Variants in PDS5A observed in about 807,000 individuals in gnomAD.
PDS5A encodes the protein sister chromatid cohesion protein PDS5 homolog A.
Under a neutral mutation model 167.1 loss-of-function variants are expected in PDS5A, and 42 were observed. The ratio of observed to expected loss-of-function variants is 0.25; its 90% CI spans 0.20 to 0.33. PDS5A has a LOEUF of 0.33. Among genes scored for constraint, PDS5A ranks in the 10% least tolerant of loss-of-function variants. PDS5A has a pLI of 1.00. For synonymous variants in PDS5A, 553 were observed against 554.6 expected (o/e 1.00, Z 0.04); for missense variants, 1,033 against 1,605.9 (o/e 0.64, Z 6.10).
chr4:39,833,688 C>G (rs1305961589), intron 32 of PDS5A, among the ~76,000 whole-genome samples: 1 of 152,128 alleles, frequency 6.6e-6, no homozygotes, highest in African/African-American at 2.4e-5. Flanking sequence ...TGATGACCAG[C>G]TGGATAAATT....
intron 32 of PDS5A, among the ~76,000 whole-genome samples, chr4:39,832,339 G>A (rs952499959): frequency 5.3e-5 from 8 of 151,132 alleles, no homozygotes; most frequent in South Asian, 2.1e-4. Context: ...TCAGCCTCCC[G>A]AGTAGCTGGG....
intron 11 of PDS5A, among the ~76,000 whole-genome samples, chr4:39,908,165 G>A (rs998151871): frequency 2.0e-5 from 3 of 152,130 alleles, no homozygotes; most frequent in Non-Finnish European, 4.4e-5. Context: ...ATGAAGGTAT[G>A]ATAGAAAAGA....
chr4:39,956,948 C>T (rs1728979739), intron 2 of PDS5A, among the ~76,000 whole-genome samples: 1 of 152,194 alleles, frequency 6.6e-6, no homozygotes. Flanking sequence ...GCTGGGATTA[C>T]AGGCGTGAGC....
At chr4:39,930,084 A>G (rs1246263778) in intron 2 of PDS5A, among the ~76,000 whole-genome samples, 1 of 151,262 alleles carries the variant, frequency 6.6e-6, no homozygotes, top group African/African-American at 2.4e-5. Context: ...GCACAGTAGC[A>G]CACAACTGTA....
chr4:39,922,528 C>A, intron 6 of PDS5A, 94 bp downstream of exon 6: 1 of 1,092,804 alleles, frequency 9.2e-7, no homozygotes, highest in Non-Finnish European at 1.2e-6. Context: ...AGAACAATTA[C>A]ATGGGATTGC....
At chr4:39,975,557 A>G (rs182993015) in intron 2 of PDS5A, among the ~76,000 whole-genome samples, 87 of 152,288 alleles carry the variant, frequency 5.7e-4, no homozygotes, top group African/African-American at 2.0e-3. Flanking sequence ...TACCAATGCC[A>G]TAGCCCTACC....
intron 26 of PDS5A, among the ~76,000 whole-genome samples, chr4:39,853,918 C>T (rs1718321157): frequency 6.6e-6 from 1 of 152,176 alleles, no homozygotes; most frequent in African/African-American, 2.4e-5. Context: ...TTTTTCCAAC[C>T]AGTAAGCAAA....
intron 2 of PDS5A, among the ~76,000 whole-genome samples, chr4:39,950,209 G>C (rs115964636): frequency 6.6e-6 from 1 of 152,080 alleles, no homozygotes. Context: ...CCAATTGTAC[G>C]TTTTAAATGG....
At chr4:39,919,342 C>T (rs997309569) in intron 7 of PDS5A, among the ~76,000 whole-genome samples, 17 of 152,046 alleles carry the variant, frequency 1.1e-4, no homozygotes, top group East Asian at 9.6e-4. Context: ...ACAAATATGA[C>T]GATAAAAATT....
At chr4:39,953,349 A>C (rs891705305) in intron 2 of PDS5A, among the ~76,000 whole-genome samples, 2 of 151,970 alleles carry the variant, frequency 1.3e-5, no homozygotes, top group Non-Finnish European at 2.9e-5. Flanking sequence ...AAATAAGGGC[A>C]GGGGGAACTA....
Position 39,949,821 on chromosome 4 carries a change from G to GAAAAAAAAAAAA in PDS5A, c.139-21669_139-21658dup, listed in dbSNP as rs59869303. Among the ~76,000 whole-genome samples the GAAAAAAAAAAAA allele has an allele frequency of 3.4e-4, 23 of 67,178 alleles. 4 individuals are homozygous for GAAAAAAAAAAAA. Among genetic ancestry groups the GAAAAAAAAAAAA allele is most frequent in the East Asian group, 1.0e-3 (2 of 1,938 alleles). The allele number at this position is 67,178 out of a possible 152,430, so 44.1% of individuals were successfully genotyped here. A position where few individuals can be genotyped will look rare whatever the true frequency, so the allele number is the denominator to read the frequency against. On this transcript the variant is annotated intron_variant, in intron 2 of 32. Transcript: ENST00000303538. ...GGCGACAGAATAAGACTCTGTCTCA[G>GAAAAAAAAAAAA]AAAAAAAAAAAAAAGAAAAACACCA...
chr4:39,828,699 C>T (rs918853088), intron 32 of PDS5A, among the ~76,000 whole-genome samples: 1 of 152,144 alleles, frequency 6.6e-6, no homozygotes, highest in Non-Finnish European at 1.5e-5. Context: ...ACTGCACAAG[C>T]TTTCTGGAGG....
At position 39,863,402 on chromosome 4, in the gene PDS5A, A is replaced by G. The variant is rs1719162572; in HGVS notation, c.2700T>C (p.Ala900=). The G allele has an allele frequency of 1.2e-6, 2 of 1,610,116 alleles. No homozygotes were observed. The highest frequency in any genetic ancestry group is 2.2e-5 in the East Asian group (1 of 44,812). The change falls in exon 24 of 33, where the codon GCT becomes GCC. Residue 900 remains alanine (A), a synonymous_variant. Transcript: ENST00000303538. ...LAAGSAIMKL[A]QEPCYHEIIT... ...TAATTTCATGGTAACAAGGTTCCTG[A>G]GCAAGCTTCATTATGGCACTACCAG...
intron 7 of PDS5A, among the ~76,000 whole-genome samples, chr4:39,918,619 T>G (rs1429368827): frequency 6.6e-6 from 1 of 152,112 alleles, no homozygotes; most frequent in Non-Finnish European, 1.5e-5. Flanking sequence ...TTTGGGAGTC[T>G]GGGGCAGGCG....
intron 2 of PDS5A, among the ~76,000 whole-genome samples, chr4:39,961,407 C>T (rs1023955962): frequency 7.2e-5 from 11 of 152,030 alleles, no homozygotes; most frequent in African/African-American, 4.8e-5. Flanking sequence ...GGGAGGCGCC[C>T]GCCACCATGC....
intron 17 of PDS5A, among the ~76,000 whole-genome samples, chr4:39,889,196 A>G (rs1487638336): frequency 3.3e-5 from 5 of 152,230 alleles, no homozygotes; most frequent in Non-Finnish European, 7.3e-5. Context: ...TAGGACATAG[A>G]CATGCTGCGT....
chr4:39,916,719 A>G (rs1360661299), intron 8 of PDS5A, among the ~76,000 whole-genome samples: 1 of 152,076 alleles, frequency 6.6e-6, no homozygotes, highest in Non-Finnish European at 1.5e-5. Flanking sequence ...TAGAAAAATT[A>G]TATGGGCATG....
chr4:39,844,826 C>G (rs1236687193), intron 29 of PDS5A, 25 bp from the exon 30 acceptor site: 1 of 1,586,122 alleles, frequency 6.3e-7, no homozygotes, highest in African/African-American at 1.4e-5. Context: ...AAAAAACCCC[C>G]CAAAAACACA....
intron 2 of PDS5A, among the ~76,000 whole-genome samples, chr4:39,954,895 C>G (rs1434745175): frequency 6.6e-6 from 1 of 151,806 alleles, no homozygotes; most frequent in Admixed American, 6.6e-5. Flanking sequence ...CAAAAATTAG[C>G]TAGGCGTGGT....
Sources: allele counts gnomAD v4.1 joint callset (sites outside exome capture counted in the v4.1 genomes callset), GRCh38; gene constraint gnomAD v4.1.1; transcripts MANE v1.5; gene names NCBI Gene and HGNC (gene_info 2026-07-23, HGNC 2026-07-21).